REEP4: variants seen among roughly 807,000 people sequenced by gnomAD.
The protein encoded by REEP4 is receptor accessory protein 4, also known as receptor expression-enhancing protein 4.
A neutral mutation model predicts 33.5 loss-of-function variants in REEP4; 17 were observed. The observed-to-expected ratio is 0.51, with a 90% CI of 0.35 to 0.76. REEP4 has a LOEUF of 0.76. Among genes scored for constraint, REEP4 ranks in the 30% least tolerant of loss-of-function variants. The pLI is 0.01. For missense variants in REEP4, 340 were observed against 357.9 expected, an observed-to-expected ratio of 0.95 and a Z score of 0.40; for synonymous variants, 157 against 142.9, an observed-to-expected ratio of 1.10 and a Z score of -0.70.
In REEP4 at chr8:22,139,037, G is replaced by A. The variant is rs1827179658; in HGVS notation, c.442C>T (p.Leu148=). The A allele has an allele frequency of 6.3e-7, 1 of 1,581,536 alleles. No homozygotes were observed. Among genetic ancestry groups the A allele is most frequent in the Non-Finnish European group, 8.6e-7 (1 of 1,165,436 alleles). The change falls in exon 6 of 8, where the codon CTG becomes TTG. Residue 148 remains leucine, a synonymous_variant. Coordinates refer to ENST00000306306, the MANE Select transcript of REEP4 (RefSeq NM_025232.4). ...AGGTCCTGCATGGAGAAGCTCCGCA[G>A]CCTGCCGGCCAGCGCCCCCTGACTC... ...TKSQGALAGR[L]RSFSMQDLRS...
rs571928859 is a variant in REEP4, at chr8:22,138,424, C to T, written c.*63G>A. ...GCAGGCCAGATGTGCAGCCCAAGGTCCCTCCAAATAGCCCTGGAGCCCTGC... is the reference window on the plus strand; with the variant it reads ...GCAGGCCAGATGTGCAGCCCAAGGTTCCTCCAAATAGCCCTGGAGCCCTGC... On this transcript the variant is annotated 3_prime_UTR_variant, in exon 8 of 8. Coordinates refer to ENST00000306306, the MANE Select transcript of REEP4 (RefSeq NM_025232.4). 187 of 1,582,098 alleles carry T rather than the reference C, an allele frequency of 1.2e-4. No homozygotes were observed. The South Asian group carries it at 1.9e-3, about 16-fold the overall frequency.
At chr8:22,141,379 C>G (rs1163635877) in intron 1 of REEP4, 72 bp downstream of exon 1, 12 of 1,543,598 alleles carry the variant, frequency 7.8e-6, no homozygotes, top group Non-Finnish European at 1.1e-5. Flanking sequence ...TCCCACTAGA[C>G]GTCCACAGCT....
At chr8:22,141,172 G>A (rs1297855095) in intron 1 of REEP4, among the ~76,000 whole-genome samples, 2 of 152,268 alleles carry the variant, frequency 1.3e-5, no homozygotes, top group Non-Finnish European at 2.9e-5. Flanking sequence ...TGTTTGCCAA[G>A]GGGCAGCAAG....
At chr8:22,141,365 C>G (rs1827228128) in intron 1 of REEP4, 86 bp downstream of exon 1, 1 of 1,493,436 alleles carries the variant, frequency 6.7e-7, no homozygotes. Flanking sequence ...CAGAAAGTTC[C>G]TCCTCCCACT....
In REEP4 at chr8:22,140,237, C is replaced by T. The variant is rs1173419206; in HGVS notation, c.117G>A (p.Met39Ile). The T allele has an allele frequency of 6.2e-7, 1 of 1,614,154 alleles. No individual in the cohort carries two copies. Among genetic ancestry groups the T allele is most frequent in the Admixed American group, 1.7e-5 (1 of 60,032 alleles). Residue 39 changes from methionine to isoleucine, a missense_variant, in exon 3 of 8, where the codon ATG becomes ATA. Physicochemically the swap from Met to Ile is conservative, Grantham distance 10 (BLOSUM62 1). Transcript: ENST00000306306. Reference sequence around the variant, plus strand: ...AGAGTGCAAAAACAATCCAGTACATCATCCACCGCACCTGTGGGGTGAGCG... The same window carrying T: ...AGAGTGCAAAAACAATCCAGTACATTATCCACCGCACCTGTGGGGTGAGCG... ...TKNIREYVRW[M>I]MYWIVFALFM...
chr8:22,140,797 G>A lies in REEP4; in HGVS notation c.33-100C>T, dbSNP rs1185695320. 9 of 1,004,702 alleles carry A rather than the reference G, an allele frequency of 9.0e-6. 1 individual carries two copies. Among genetic ancestry groups the A allele is most frequent in the East Asian group, 7.2e-5 (3 of 41,624 alleles). 62.2% of individuals were successfully genotyped at this position (1,004,702 alleles called of 1,614,324 possible). ...ACTGGGGTGCAAGGTGGCAGTACCC[G>A]CCCTGTTTTTCTCGCTTGGCTTGTA... On this transcript the variant is annotated intron_variant, in intron 1 of 7. Transcript: ENST00000306306.
chr8:22,139,034 G>A lies in REEP4; in HGVS notation c.445C>T (p.Arg149Trp), dbSNP rs763206185. The A allele has an allele frequency of 3.9e-5, 62 of 1,583,804 alleles. No individual in the cohort carries two copies. Among genetic ancestry groups the A allele is most frequent in the African/African-American group, 3.0e-4 (22 of 74,082 alleles). The change falls in exon 6 of 8, where the codon CGG becomes TGG. Residue 149 changes from arginine to tryptophan, a missense_variant. Coordinates refer to ENST00000306306, the MANE Select transcript of REEP4 (RefSeq NM_025232.4). ...CGCAGGTCCTGCATGGAGAAGCTCC[G>A]CAGCCTGCCGGCCAGCGCCCCCTGA... Reference protein sequence around the residue: ...KSQGALAGRLRSFSMQDLRSI... With the variant: ...KSQGALAGRLWSFSMQDLRSI...
At chr8:22,139,765 C>T (rs1563200669) in intron 4 of REEP4, 198 bp downstream of exon 4, 5 of 760,356 alleles carry the variant, frequency 6.6e-6, no homozygotes, top group Non-Finnish European at 8.3e-6. Context: ...CAATTTCCAT[C>T]CTCAAAGGTC....
chr8:22,140,471 T>C, intron 2 of REEP4, 154 bp downstream of exon 2: 1 of 607,632 alleles, frequency 1.6e-6, no homozygotes, highest in Non-Finnish European at 2.7e-6. Context: ...GCCTGCCCTC[T>C]ATCTACACCC....
chr8:22,139,581 C>A, intron 4 of REEP4, 52 bp from the exon 5 acceptor site: 1 of 1,420,978 alleles, frequency 7.0e-7, no homozygotes. Context: ...AGTCCCTCTT[C>A]CTCTGCAGAT....
rs1259108411 is a variant in REEP4, at chr8:22,138,366, G to A, written c.*121C>T. 2 of 1,169,558 alleles carry A rather than the reference G, an allele frequency of 1.7e-6. No individual in the cohort carries two copies. The highest frequency in any genetic ancestry group is 3.0e-5 in the African/African-American group (2 of 66,342). 72.4% of individuals were successfully genotyped at this position (1,169,558 alleles called of 1,614,324 possible). On this transcript the variant is annotated 3_prime_UTR_variant, in exon 8 of 8. Coordinates refer to ENST00000306306, the MANE Select transcript of REEP4 (RefSeq NM_025232.4). ...TCCCGGCCCTTAACCATCAGCAGGA[G>A]TCAGGAGGGTGGGGCCCAGGCAGCT... is the stretch of plus-strand genomic sequence containing the variant.
In REEP4 at chr8:22,140,083, C is replaced by A. The variant is rs746722633; in HGVS notation, c.183G>T (p.Trp61Cys). 3.7e-6 allele frequency: 6 copies of A among 1,614,006 alleles called. No individual in the cohort carries two copies. Among genetic ancestry groups the A allele is most frequent in the Non-Finnish European group, 5.1e-6 (6 of 1,179,942 alleles). ...TCTTGATCTCATAGTAGAAAGGGAA[C>A]CTGTCACAGCACAAGGGGCAGGGTG... The part of the protein sequence containing the change: ...AEIVTDIFIS[W>C]FPFYYEIKMA... The change falls in exon 4 of 8, where the codon TGG becomes TGT. Residue 61 changes from tryptophan to cysteine, a missense_variant and splice_region_variant. By Grantham distance (215) the Trp-to-Cys change is radical. Coordinates refer to ENST00000306306, the MANE Select transcript of REEP4 (RefSeq NM_025232.4).
In REEP4 at chr8:22,138,706, G is replaced by A. The variant is rs901800083; in HGVS notation, c.641C>T (p.Pro214Leu). The A allele has an allele frequency of 6.2e-7, 1 of 1,612,928 alleles. No individual in the cohort carries two copies. The highest frequency in any genetic ancestry group is 1.3e-5 in the African/African-American group (1 of 74,852). Residue 214 changes from proline to leucine, a missense_variant, in exon 7 of 8, where the codon CCC becomes CTC. By Grantham distance (98) the Pro-to-Leu change is moderately conservative (BLOSUM62 -3). Transcript: ENST00000306306. Reference protein sequence around the residue: ...TEAVPRAPARPREKPLIRSQS... With the variant: ...TEAVPRAPARLREKPLIRSQS... ...GCTGCGGATTAGGGGCTTCTCTCGG[G>A]GCCGGGCTGGCGCCCGGGGGACTGC...
chr8:22,138,098 CAT>C lies in REEP4; in HGVS notation c.*387_*388del, dbSNP rs1827156268. The C allele has an allele frequency of 3.5e-6, 2 of 564,458 alleles. No homozygotes were observed. Among genetic ancestry groups the C allele is most frequent in the East Asian group, 3.0e-5 (1 of 33,726 alleles). 35.0% of individuals were successfully genotyped at this position (564,458 alleles called of 1,614,324 possible). On this transcript the variant is annotated 3_prime_UTR_variant, in exon 8 of 8. Transcript: ENST00000306306. ...AACACACACACACACAACCAGGACA[CAT>C]GTGCCAGGCCTTATGAAAGGCTATC...
chr8:22,140,641 T>C lies in REEP4; in HGVS notation c.89A>G (p.Lys30Arg). The C allele has an allele frequency of 1.9e-6, 3 of 1,613,874 alleles. No individual in the cohort carries two copies. The highest frequency in any genetic ancestry group is 1.1e-5 in the South Asian group (1 of 91,066). ...AYASYKAVKT[K>R]NIREYVRWMM... ...CACGCTCACATATTCACGAATGTTC[T>C]TGGTCTTCACAGCCTTATAGGAAGC... Residue 30 changes from lysine (K) to arginine (R), a missense_variant, in exon 2 of 8, where the codon AAG (lysine) becomes AGG (arginine). Lys to Arg is a conservative substitution (Grantham distance 26, BLOSUM62 2). Transcript: ENST00000306306.
At position 22,140,260 on chromosome 8, in the gene REEP4, G is replaced by C. The variant is rs1228984148; in HGVS notation, c.106-12C>G. 6.2e-7 allele frequency: 1 copy of C among 1,613,382 alleles called. No individual in the cohort carries two copies. Among genetic ancestry groups the C allele is most frequent in the Non-Finnish European group, 8.5e-7 (1 of 1,179,492 alleles). On this transcript the variant is annotated splice_polypyrimidine_tract_variant and intron_variant, in intron 2 of 7. Coordinates refer to ENST00000306306, the MANE Select transcript of REEP4 (RefSeq NM_025232.4). ...ATCATCCACCGCACCTGTGGGGTGA[G>C]CGCCCAGAGGTCAGCATGGGGCCTG...
chr8:22,141,497 G>C lies in REEP4; in HGVS notation c.-15C>G, dbSNP rs751600287. The C allele has an allele frequency of 1.1e-5, 18 of 1,589,178 alleles. No individual in the cohort carries two copies. The East Asian group carries it at 4.3e-4, about 38-fold the overall frequency. Reference sequence around the variant, plus strand: ...CAGGACACCATCTTGCCGGCCTTTGGGACGTGGGGAGGACCCCAGGAAGCC... The same window carrying C: ...CAGGACACCATCTTGCCGGCCTTTGCGACGTGGGGAGGACCCCAGGAAGCC... On this transcript the variant is annotated 5_prime_UTR_variant, in exon 1 of 8. Transcript: ENST00000306306.
At chr8:22,141,399 G>A in intron 1 of REEP4, 52 bp downstream of exon 1, 2 of 1,585,196 alleles carry the variant, frequency 1.3e-6, no homozygotes, top group Non-Finnish European at 1.7e-6. Context: ...TTCCACCACA[G>A]GGGCGGGACG....
chr8:22,139,879 T>A (rs879610375), intron 4 of REEP4, 84 bp downstream of exon 4: 17 of 1,501,806 alleles, frequency 1.1e-5, no homozygotes, highest in Non-Finnish European at 1.5e-5. Context: ...AACCCCGGTG[T>A]CCCCAGCATC....
Sources: gnomAD v4.1 joint callset for allele counts (sites outside exome capture counted in the v4.1 genomes callset) on GRCh38, gnomAD v4.1.1 for gene constraint, MANE v1.5 for transcripts, NCBI Gene and HGNC (gene_info 2026-07-23, HGNC 2026-07-21) for gene names.